CAPN7: variants seen among roughly 807,000 people sequenced by gnomAD.
CAPN7 encodes calpain 7, also known as calpain-7.
CAPN7 carries 72 observed loss-of-function variants against 115.2 expected under a neutral mutation model. The observed-to-expected ratio is 0.63, with a 90% CI of 0.52 to 0.76. The LOEUF is 0.76. CAPN7 is among the 30% of genes least tolerant of loss of function. CAPN7 has a pLI of 0.00. For missense variants in CAPN7, 905 were observed against 971.5 expected, an observed-to-expected ratio of 0.93 and a Z score of 0.91; for synonymous variants, 344 against 322.3, an observed-to-expected ratio of 1.07 and a Z score of -0.72.
chr3:15,214,398 T>C (rs2045127593), intron 2 of CAPN7, among the ~76,000 whole-genome samples: 1 of 152,054 alleles, frequency 6.6e-6, no homozygotes, highest in Non-Finnish European at 1.5e-5. Context: ...GAGAGTTGAT[T>C]TTGGGGTGGG....
intron 4 of CAPN7, 25 bp from the exon 5 acceptor site, chr3:15,220,756 A>G (rs1559391171): frequency 6.2e-7 from 1 of 1,607,208 alleles, no homozygotes; most frequent in South Asian, 1.1e-5. Context: ...AAACTAGAAC[A>G]GTTGTTTGTT....
At chr3:15,207,131 T>G (rs2044674354) in intron 1 of CAPN7, among the ~76,000 whole-genome samples, 2 of 152,216 alleles carry the variant, frequency 1.3e-5, no homozygotes, top group South Asian at 4.1e-4. Context: ...CAAGCCTGAA[T>G]GGTACAGCCT....
intron 16 of CAPN7, among the ~76,000 whole-genome samples, chr3:15,245,231 T>TA (rs1695589754): frequency 6.6e-6 from 1 of 151,918 alleles, no homozygotes; most frequent in South Asian, 2.1e-4. Context: ...TAAGATCCTC[T>TA]ACGGGAGAAA....
chr3:15,245,638 T>A lies in CAPN7; in HGVS notation c.1977T>A (p.Tyr659Ter). 1.9e-6 allele frequency: 3 copies of A among 1,613,812 alleles called. No homozygotes were observed. Among genetic ancestry groups the A allele is most frequent in the Non-Finnish European group, 2.5e-6 (3 of 1,179,896 alleles). ...CCTTTACATTAGTGGTTTCTCAATA[T>A]GAAAAACAGAACACAATCCATTACA... ...THTFTLVVSQ[Y>*]EKQNTIHYTV... The change falls in exon 17 of 21, where the codon TAT becomes TAA. Residue 659 changes from tyrosine (Y) to a stop codon, truncating the protein, a stop_gained. Transcript: ENST00000253693. LOFTEE classifies it high-confidence loss of function.
Position 15,229,561 on chromosome 3 carries a change from CTTTTTTT to C in CAPN7, c.938+524_938+530del, listed in dbSNP as rs566957976. ...CATCAAAATTGGTTTTACTTTTTTT[CTTTTTTT>C]TTTTTTTTTTTTTTTTTTTTTGGAG... On this transcript the variant is annotated intron_variant, in intron 8 of 20. Coordinates refer to ENST00000253693, the MANE Select transcript of CAPN7 (RefSeq NM_014296.3). Among the ~76,000 whole-genome samples the C allele has an allele frequency of 4.8e-3, 423 of 87,844 alleles. 1 individual carries two copies. The highest frequency in any genetic ancestry group is 9.4e-3 in the South Asian group (20 of 2,126). The allele number at this position is 87,844 out of a possible 152,430, so 57.6% of individuals were successfully genotyped here.
chr3:15,235,591 T>C (rs540986316), intron 12 of CAPN7, among the ~76,000 whole-genome samples: 1 of 152,256 alleles, frequency 6.6e-6, no homozygotes, highest in South Asian at 2.1e-4. Flanking sequence ...TAAAACTGTT[T>C]TACCTCAGAT....
intron 8 of CAPN7, among the ~76,000 whole-genome samples, chr3:15,229,561 C>T (rs1297868): frequency 0.021 from 1,773 of 86,076 alleles, 21 homozygotes; most frequent in Middle Eastern, 0.056. Context: ...TACTTTTTTT[C>T]TTTTTTTTTT....
intron 8 of CAPN7, 105 bp downstream of exon 8, chr3:15,229,164 A>G (rs1694516353): frequency 5.5e-6 from 4 of 725,276 alleles, no homozygotes; most frequent in Admixed American, 4.6e-5. Flanking sequence ...CATATCATTC[A>G]GAATATGGCC....
intron 19 of CAPN7, among the ~76,000 whole-genome samples, chr3:15,248,583 G>C (rs1237763669): frequency 2.0e-5 from 3 of 152,166 alleles, no homozygotes; most frequent in Admixed American, 2.0e-4. Context: ...GGTGCTGAGA[G>C]GATTTGTTGA....
intron 19 of CAPN7, among the ~76,000 whole-genome samples, chr3:15,250,265 T>A (rs1210755592): frequency 3.3e-5 from 5 of 151,516 alleles, no homozygotes; most frequent in Non-Finnish European, 7.4e-5. Context: ...TAGTCCCAGG[T>A]CCTGAGGAGG....
chr3:15,241,511 C>G lies in CAPN7; in HGVS notation c.1711C>G (p.Gln571Glu), dbSNP rs1695347337. Residue 571 changes from glutamine (Q) to glutamate (E), a missense_variant, in exon 15 of 21, where the codon CAG becomes GAG. Around this residue, in one of 3 missense-constraint regions of CAPN7, gnomAD observed 620 missense variants for 703.4 expected, o/e 0.88. Coordinates refer to ENST00000253693, the MANE Select transcript of CAPN7 (RefSeq NM_014296.3). ...KDAYSLANNP[Q>E]YKLEVQCPQG... ...TGCCTATAGCCTGGCCAACAACCCC[C>G]AGTACAAACTGGAGGTGCAGTGTCC... 1.2e-6 allele frequency: 2 copies of G among 1,614,104 alleles called. No homozygotes were observed. Among genetic ancestry groups the G allele is most frequent in the Non-Finnish European group, 1.7e-6 (2 of 1,179,980 alleles).
At chr3:15,211,144 A>C (rs2044919140) in intron 1 of CAPN7, among the ~76,000 whole-genome samples, 2 of 152,214 alleles carry the variant, frequency 1.3e-5, no homozygotes, top group African/African-American at 4.8e-5. Flanking sequence ...ATCCTTTGTC[A>C]GTATTTTCTG....
intron 1 of CAPN7, among the ~76,000 whole-genome samples, chr3:15,206,996 A>G (rs2044665980): frequency 6.6e-6 from 1 of 152,270 alleles, no homozygotes; most frequent in Non-Finnish European, 1.5e-5. Flanking sequence ...CTTAAAAAGA[A>G]TAAAAACCAT....
intron 1 of CAPN7, chr3:15,210,891 G>A: frequency 7.8e-7 from 1 of 1,288,314 alleles, no homozygotes; most frequent in Non-Finnish European, 1.0e-6. Flanking sequence ...GATGACCCAT[G>A]AAGTGTACAC....
In CAPN7 at chr3:15,217,468, G is replaced by A; in HGVS notation, c.255G>A (p.Leu85=). Residue 85 remains leucine, a synonymous_variant, in exon 3 of 21, where the codon TTG becomes TTA. Coordinates refer to ENST00000253693, the MANE Select transcript of CAPN7 (RefSeq NM_014296.3). ...ATCCTTTGAAGTCAAAACATCAGTTGGACTTAGAGCGTGCTCATTTCCTTG... is the reference window on the plus strand; with the variant it reads ...ATCCTTTGAAGTCAAAACATCAGTTAGACTTAGAGCGTGCTCATTTCCTTG... The part of the protein sequence containing the change: ...SADPLKSKHQ[L]DLERAHFLVT... 6.2e-7 allele frequency: 1 copy of A among 1,613,374 alleles called. No individual in the cohort carries two copies. Among genetic ancestry groups the A allele is most frequent in the East Asian group, 2.2e-5 (1 of 44,822 alleles).
At position 15,206,436 on chromosome 3, in the gene CAPN7, C is replaced by A; in HGVS notation, c.-60C>A. The A allele has an allele frequency of 7.5e-7, 1 of 1,327,244 alleles. No individual in the cohort carries two copies. Among genetic ancestry groups the A allele is most frequent in the Non-Finnish European group, 1.0e-6 (1 of 960,944 alleles). The allele number at this position is 1,327,244 out of a possible 1,614,324, so 82.2% of individuals were successfully genotyped here. ...TCGCCGCCGCCGGGCCGCCGCAGTCCGCGAAGAGCCGTCCTGCGTCAGGGC... is the reference window on the plus strand; with the variant it reads ...TCGCCGCCGCCGGGCCGCCGCAGTCAGCGAAGAGCCGTCCTGCGTCAGGGC... On this transcript the variant is annotated 5_prime_UTR_variant, in exon 1 of 21. Coordinates refer to ENST00000253693, the MANE Select transcript of CAPN7 (RefSeq NM_014296.3).
chr3:15,219,555 G>A lies in CAPN7; in HGVS notation c.437+1015G>A, dbSNP rs79603119. ...TCAGAATTATAAGTGACTTTATTAC[G>A]TCTGTGGCTAACCCATCCAATATTC... On this transcript the variant is annotated intron_variant, in intron 4 of 20. Coordinates refer to ENST00000253693, the MANE Select transcript of CAPN7 (RefSeq NM_014296.3). Among the ~76,000 whole-genome samples the A allele has an allele frequency of 1.4e-3, 207 of 152,192 alleles. 1 individual carries two copies. The highest frequency in any genetic ancestry group is 7.5e-3 in the South Asian group (36 of 4,830).
chr3:15,245,523 C>T lies in CAPN7; in HGVS notation c.1865-3C>T, dbSNP rs1426096185. On this transcript the variant is annotated splice_polypyrimidine_tract_variant and splice_region_variant and intron_variant, in intron 16 of 20. Transcript: ENST00000253693. ...TTCTCTAAGCCTACTTGTTTGTTTG[C>T]AGCTGACCCACCTCCATACATTGAT... is the stretch of plus-strand genomic sequence containing the variant. 2 of 1,609,668 alleles carry T rather than the reference C, an allele frequency of 1.2e-6. No individual in the cohort carries two copies. Among genetic ancestry groups the T allele is most frequent in the African/African-American group, 1.3e-5 (1 of 74,704 alleles).
rs757916181 is a variant in CAPN7 at position 15,240,592 on chromosome 3, C to G, written c.1527C>G (p.Pro509=). The change falls in exon 13 of 21, where the codon CCC becomes CCG. Residue 509 remains proline, a synonymous_variant. Coordinates refer to ENST00000253693, the MANE Select transcript of CAPN7 (RefSeq NM_014296.3). The stretch of plus-strand genomic sequence containing the variant: ...TGCAAAAGTATTTAAACTTTGATCC[C>G]CGAACAGCTCAGAAAATAGACAACG... ...PELQKYLNFD[P]RTAQKIDNGI... 6.2e-7 allele frequency: 1 copy of G among 1,604,366 alleles called. No homozygotes were observed. Among genetic ancestry groups the G allele is most frequent in the African/African-American group, 1.4e-5 (1 of 73,984 alleles).
Sources: allele counts gnomAD v4.1 joint callset (sites outside exome capture counted in the v4.1 genomes callset), GRCh38; gene constraint gnomAD v4.1.1; regional missense constraint gnomAD v4.1.1; transcripts MANE v1.5; gene names NCBI Gene and HGNC (gene_info 2026-07-23, HGNC 2026-07-21).